TAF3: variants seen among roughly 807,000 people sequenced by gnomAD.
TAF3 encodes TATA-box binding protein associated factor 3.
In TAF3, 7 loss-of-function variants were observed where a neutral mutation model predicts 80.6. The ratio of observed to expected loss-of-function variants is 0.09; its 90% CI spans 0.05 to 0.16. The LOEUF (loss-of-function observed/expected upper bound fraction) is 0.16, where lower values mean the gene tolerates loss of function less well. Among genes scored for constraint, TAF3 ranks in the 10% least tolerant of loss-of-function variants. The pLI is 1.00. For missense variants in TAF3, 921 were observed against 1,140.2 expected, an observed-to-expected ratio of 0.81 and a Z score of 2.77; for synonymous variants, 444 against 446.1, an observed-to-expected ratio of 1.00 and a Z score of 0.06.
chr10:7,821,399 A>C (rs1217140142), intron 1 of TAF3, among the ~76,000 whole-genome samples: 2 of 152,142 alleles, frequency 1.3e-5, no homozygotes, highest in Non-Finnish European at 2.9e-5. Flanking sequence ...ATCACTTACG[A>C]ACCAACCCCT....
intron 4 of TAF3, among the ~76,000 whole-genome samples, chr10:7,998,267 A>G (rs201250594): frequency 1.6e-3 from 74 of 45,918 alleles, no homozygotes; most frequent in East Asian, 9.4e-3. Context: ...ATATATATGT[A>G]TATATATATA....
At chr10:7,858,945 A>G (rs1340816696) in intron 2 of TAF3, among the ~76,000 whole-genome samples, 1 of 151,986 alleles carries the variant, frequency 6.6e-6, no homozygotes, top group Non-Finnish European at 1.5e-5. Context: ...CTCTATTCAT[A>G]TGTCATCTTG....
chr10:7,855,736 C>G (rs999952399), intron 2 of TAF3, among the ~76,000 whole-genome samples: 2 of 151,990 alleles, frequency 1.3e-5, no homozygotes, highest in Non-Finnish European at 2.9e-5. Flanking sequence ...GGGAGCAAAA[C>G]CAACTAAAAA....
rs370768126 is a variant in TAF3, at chr10:7,905,610, G to A, written c.410-58310G>A. On this transcript the variant is annotated intron_variant, in intron 2 of 6. Transcript: ENST00000344293. ...TAAAAACTTAAGCAGGGCCAGGCGC[G>A]GTGGCTCACACCTGTAATCCCAGCA... Among the ~76,000 whole-genome samples, 6 of 152,182 alleles carry A rather than the reference G, an allele frequency of 3.9e-5. No homozygotes were observed. The South Asian group carries it at 1.0e-3, about 26-fold the overall frequency.
intron 4 of TAF3, among the ~76,000 whole-genome samples, chr10:7,995,821 A>G (rs76580271): frequency 0.066 from 10,103 of 152,286 alleles, 472 homozygotes; most frequent in Non-Finnish European, 0.093. Context: ...TTGTGTTATA[A>G]TTATATGAAT....
At chr10:7,951,611 C>A (rs137935963) in intron 2 of TAF3, among the ~76,000 whole-genome samples, 1,862 of 152,348 alleles carry the variant, frequency 0.012, 148 homozygotes, top group Admixed American at 0.11. Flanking sequence ...ATGTCCACCT[C>A]TTGATGAGAA....
intron 4 of TAF3, among the ~76,000 whole-genome samples, chr10:7,988,572 C>CAAAAAAAAAAAAAAAAAAAAAAAAAAAA (rs58825999): frequency 2.0e-5 from 1 of 49,270 alleles, no homozygotes; most frequent in Non-Finnish European, 3.9e-5. Flanking sequence ...GACCCTGTCT[C>CAAAAAAAAAAAAAAAAAAAAAAAAAAAA]AAAAAAAAAA....
At position 7,864,644 on chromosome 10, in the gene TAF3, C is replaced by T. The variant is rs763669055; in HGVS notation, c.409+40084C>T. Among the ~76,000 whole-genome samples, 32 of 152,066 alleles carry T rather than the reference C, an allele frequency of 2.1e-4. No homozygotes were observed. In the East Asian group the frequency reaches 2.1e-3, roughly 10 times the overall value. ...CCAGGAGTAGAATGGTGGGGTTATA[C>T]GGCTTGTTTGTCTTTTTATTATTCA... is the stretch of plus-strand genomic sequence containing the variant. On this transcript the variant is annotated intron_variant, in intron 2 of 6. Coordinates refer to ENST00000344293, the MANE Select transcript of TAF3 (RefSeq NM_031923.4).
At chr10:7,930,305 AAG>A (rs1304879558) in intron 2 of TAF3, among the ~76,000 whole-genome samples, 1 of 152,226 alleles carries the variant, frequency 6.6e-6, no homozygotes, top group Non-Finnish European at 1.5e-5. Context: ...AGGGAGGAAA[AAG>A]AGAAATACTT....
intron 2 of TAF3, among the ~76,000 whole-genome samples, chr10:7,830,473 CTTTTTTT>C (rs1176707860): frequency 0.012 from 676 of 57,650 alleles, 2 homozygotes; most frequent in African/African-American, 0.04. Context: ...CTTTACATGT[CTTTTTTT>C]TTTTTTTTTT....
intron 2 of TAF3, among the ~76,000 whole-genome samples, chr10:7,926,104 C>G (rs994589392): frequency 6.6e-6 from 1 of 152,120 alleles, no homozygotes; most frequent in African/African-American, 2.4e-5. Context: ...TATTGAAGAT[C>G]TCTGATCTTT....
chr10:7,947,371 G>C (rs1838035595), intron 2 of TAF3, among the ~76,000 whole-genome samples: 1 of 152,222 alleles, frequency 6.6e-6, no homozygotes, highest in Non-Finnish European at 1.5e-5. Context: ...TCTGGGAATA[G>C]TCTAAAAGGT....
chr10:8,000,657 T>G (rs1178703443), intron 4 of TAF3, among the ~76,000 whole-genome samples: 1 of 152,076 alleles, frequency 6.6e-6, no homozygotes, highest in South Asian at 2.1e-4. Flanking sequence ...CACGCACCTG[T>G]AGTCCCAGCT....
rs529340359 is a variant in TAF3 at position 7,885,545 on chromosome 10, A to T, written c.409+60985A>T. ...GAATCCTTTCCACTTGGCCCCATCC[A>T]CTGCTGTAGGCAACCAGTCTCATTA... On this transcript the variant is annotated intron_variant, in intron 2 of 6. Coordinates refer to ENST00000344293, the MANE Select transcript of TAF3 (RefSeq NM_031923.4). 1.6e-4 allele frequency among the ~76,000 whole-genome samples: 24 copies of T among 152,142 alleles called. 1 individual carries two copies. In the East Asian group the frequency reaches 4.2e-3, roughly 27 times the overall value.
At chr10:7,852,949 T>C (rs1244510) in intron 2 of TAF3, among the ~76,000 whole-genome samples, 60,146 of 152,054 alleles carry the variant, frequency 0.4, 11,914 homozygotes, top group South Asian at 0.52. Context: ...TGTGCATATG[T>C]TTTTTGAAAG....
chr10:7,858,555 G>A (rs1185887733), intron 2 of TAF3, among the ~76,000 whole-genome samples: 1 of 152,152 alleles, frequency 6.6e-6, no homozygotes, highest in Non-Finnish European at 1.5e-5. Context: ...TCATTGATTG[G>A]CAAGTTCGTA....
chr10:7,839,182 A>G (rs1377761485), intron 2 of TAF3, among the ~76,000 whole-genome samples: 2 of 152,154 alleles, frequency 1.3e-5, no homozygotes, highest in Non-Finnish European at 2.9e-5. Context: ...TACCTGGGTC[A>G]GCTCATGCTG....
chr10:7,918,048 C>T (rs539920468), intron 2 of TAF3, among the ~76,000 whole-genome samples: 12 of 152,050 alleles, frequency 7.9e-5, no homozygotes, highest in Admixed American at 5.9e-4. Context: ...TTTTAGGATT[C>T]GGATATTATG....
intron 3 of TAF3, among the ~76,000 whole-genome samples, chr10:7,974,560 G>A (rs534025736): frequency 6.8e-4 from 104 of 152,302 alleles, no homozygotes; most frequent in African/African-American, 2.5e-3. Flanking sequence ...AGAGGGCCAA[G>A]TAAGGTTGGG....
Sources: gnomAD v4.1 joint callset for allele counts (sites outside exome capture counted in the v4.1 genomes callset) on GRCh38, gnomAD v4.1.1 for gene constraint, MANE v1.5 for transcripts, NCBI Gene and HGNC (gene_info 2026-07-23, HGNC 2026-07-21) for gene names.